ABHD6: variants seen among roughly 807,000 people sequenced by gnomAD.
The protein encoded by ABHD6 is abhydrolase domain containing 6, acylglycerol lipase.
A neutral mutation model predicts 38.8 loss-of-function variants in ABHD6; 33 were observed. The ratio of observed to expected loss-of-function variants is 0.85; its 90% CI spans 0.64 to 1.14. The LOEUF is 1.14. Ranked by LOEUF, ABHD6 falls within the 50% of genes most tolerant of loss-of-function variation. ABHD6 has a pLI of 0.00. For synonymous variants in ABHD6, 147 were observed against 161.6 expected (o/e 0.91, Z 0.69); for missense variants, 380 against 422.6 (o/e 0.90, Z 0.88).
Position 58,269,377 on chromosome 3 carries a change from C to A in ABHD6, c.333C>A (p.Thr111=), listed in dbSNP as rs746872403. 12 of 1,613,802 alleles carry A rather than the reference C, an allele frequency of 7.4e-6. No individual in the cohort carries two copies. The highest frequency in any genetic ancestry group is 5.9e-6 in the Non-Finnish European group (7 of 1,179,906). ...TGGACATGCCAGGACATGAGGGCAC[C>A]ACCCGCTCCTCCCTGGATGACCTGT... ...VCVDMPGHEG[T]TRSSLDDLSI... Residue 111 remains threonine (T), a synonymous_variant, in exon 5 of 10, where the codon ACC becomes ACA. Transcript: ENST00000478253. This position sits in a 1 kb window ranked among gnomAD's most constrained non-coding sequence, Gnocchi z 4.4.
chr3:58,252,229 GTTTTTTTTTTTTT>G lies in ABHD6; in HGVS notation c.-26+2298_-26+2310del, dbSNP rs10671892. Among the ~76,000 whole-genome samples the G allele has an allele frequency of 4.7e-3, 383 of 80,980 alleles. 3 individuals carry two copies. Among genetic ancestry groups the G allele is most frequent in the Admixed American group, 9.6e-3 (55 of 5,702 alleles). The allele number at this position is 80,980 out of a possible 152,430, so 53.1% of individuals were successfully genotyped here. ...GCATTTTTCTTTAAATTGACTGCTT[GTTTTTTTTTTTTT>G]TTTTTTTTTTGGAACAGTCTCCCTC... is the stretch of plus-strand genomic sequence containing the variant. On this transcript the variant is annotated intron_variant, in intron 2 of 9. Transcript: ENST00000478253.
intron 7 of ABHD6, among the ~76,000 whole-genome samples, chr3:58,281,258 G>A (rs768366145): frequency 2.6e-5 from 4 of 152,168 alleles, no homozygotes; most frequent in African/African-American, 4.8e-5. Context: ...TGCCGAGTTC[G>A]AGCTTCCAGG....
intron 2 of ABHD6, among the ~76,000 whole-genome samples, chr3:58,254,532 C>G (rs1400360293): frequency 2.0e-5 from 3 of 152,144 alleles, no homozygotes; most frequent in East Asian, 3.9e-4. Flanking sequence ...CTGCATTGAA[C>G]TTATTATCAA....
chr3:58,266,529 A>G lies in ABHD6; in HGVS notation c.120-660A>G, dbSNP rs897141187. Among the ~76,000 whole-genome samples, 1 of 152,000 alleles carries G rather than the reference A, an allele frequency of 6.6e-6. No individual in the cohort carries two copies. Among genetic ancestry groups the G allele is most frequent in the East Asian group, 1.9e-4 (1 of 5,206 alleles). On this transcript the variant is annotated intron_variant, in intron 3 of 9. Coordinates refer to ENST00000478253, the MANE Select transcript of ABHD6 (RefSeq NM_001320126.2). This position sits in a 1 kb window ranked among gnomAD's most constrained non-coding sequence, Gnocchi z 4.0. ...TGCGGATAAAAGTAAATGAATATAT[A>G]TCTTCTCTCCCTCTCTGCTTATTTT...
intron 9 of ABHD6, among the ~76,000 whole-genome samples, chr3:58,291,949 C>CA (rs1044828750): frequency 2.0e-5 from 3 of 150,334 alleles, no homozygotes; most frequent in African/African-American, 7.5e-5. Context: ...GACCCTGTCT[C>CA]AAAAAAACAA....
At chr3:58,277,165 G>A (rs1243234433) in intron 7 of ABHD6, among the ~76,000 whole-genome samples, 1 of 152,274 alleles carries the variant, frequency 6.6e-6, no homozygotes, top group Admixed American at 6.5e-5. Context: ...GTCATTGGTA[G>A]CTTGATGGGG....
chr3:58,256,076 AACACACACAC>A lies in ABHD6; in HGVS notation c.-25-462_-25-453del, dbSNP rs769155755. ...TATTTCTCTCTCTTTTCCTCCCACCAACACACACACACACACACACACACACACACACATA... is the reference window on the plus strand; with the variant it reads ...TATTTCTCTCTCTTTTCCTCCCACCAACACACACACACACACACACACATA... On this transcript the variant is annotated intron_variant, in intron 2 of 9. Coordinates refer to ENST00000478253, the MANE Select transcript of ABHD6 (RefSeq NM_001320126.2). This position sits in a 1 kb window ranked among gnomAD's most constrained non-coding sequence, Gnocchi z 4.3. Among the ~76,000 whole-genome samples the A allele has an allele frequency of 1.5e-5, 1 of 65,534 alleles. No individual in the cohort carries two copies. The highest frequency in any genetic ancestry group is 2.8e-5 in the Non-Finnish European group (1 of 35,672). 43.0% of individuals were successfully genotyped at this position (65,534 alleles called of 152,430 possible). A position where few individuals can be genotyped will look rare whatever the true frequency, so the allele number is the denominator to read the frequency against.
At chr3:58,281,080 C>G (rs1023359626) in intron 7 of ABHD6, among the ~76,000 whole-genome samples, 10 of 152,258 alleles carry the variant, frequency 6.6e-5, no homozygotes, top group Non-Finnish European at 1.3e-4. Flanking sequence ...GGCAGTCTGT[C>G]TGTCTCAGAG....
At chr3:58,254,795 T>C (rs997910826) in intron 2 of ABHD6, among the ~76,000 whole-genome samples, 9 of 149,948 alleles carry the variant, frequency 6.0e-5, no homozygotes, top group African/African-American at 2.2e-4. Flanking sequence ...ATTTATTATA[T>C]ATTTATATTT....
intron 1 of ABHD6, among the ~76,000 whole-genome samples, chr3:58,242,078 C>G (rs1482673692): frequency 6.6e-6 from 1 of 152,024 alleles, no homozygotes; most frequent in Non-Finnish European, 1.5e-5. Flanking sequence ...GGCTGGAGCT[C>G]GCCAGGCGAG....
chr3:58,294,191 C>T lies in ABHD6; in HGVS notation c.*426C>T, dbSNP rs9815089. On this transcript the variant is annotated 3_prime_UTR_variant, in exon 10 of 10. Coordinates refer to ENST00000478253, the MANE Select transcript of ABHD6 (RefSeq NM_001320126.2). ...CAGTGGCTTTTATAGGAGCATTAGT[C>T]CTCATTCGCTGAACCCTGTTGTTTA... 4,832 of 156,544 alleles carry T rather than the reference C, an allele frequency of 0.031. 260 individuals carry two copies. The highest frequency in any genetic ancestry group is 0.11 in the African/African-American group (4,581 of 41,584). 9.7% of individuals were successfully genotyped at this position (156,544 alleles called of 1,614,324 possible).
chr3:58,290,690 C>T (rs2107482706), intron 9 of ABHD6, among the ~76,000 whole-genome samples: 1 of 150,998 alleles, frequency 6.6e-6, no homozygotes, highest in African/African-American at 2.4e-5. Flanking sequence ...ACGCTTCTCA[C>T]CTCCCAGACG....
In ABHD6 at chr3:58,256,619, T is replaced by C; in HGVS notation, c.33T>C (p.Ile11=). 1 of 1,614,166 alleles carries C rather than the reference T, an allele frequency of 6.2e-7. No individual in the cohort carries two copies. The highest frequency in any genetic ancestry group is 8.5e-7 in the Non-Finnish European group (1 of 1,180,030). The change falls in exon 3 of 10, where the codon ATT becomes ATC. Residue 11 remains isoleucine, a synonymous_variant. Coordinates refer to ENST00000478253, the MANE Select transcript of ABHD6 (RefSeq NM_001320126.2). The surrounding 1 kb of genome is among the most constrained non-coding windows in gnomAD (Gnocchi z 4.3). ...TTGATGTGGTTAACATGTTTGTGAT[T>C]GCGGGCGGCACGCTGGCCATCCCAA... MDLDVVNMFV[I]AGGTLAIPIL...
intron 1 of ABHD6, among the ~76,000 whole-genome samples, chr3:58,243,628 C>G (rs1234907774): frequency 6.6e-6 from 1 of 151,658 alleles, no homozygotes; most frequent in Non-Finnish European, 1.5e-5. Context: ...GTATCTGATT[C>G]TCCGCAGTTT....
At position 58,284,762 on chromosome 3, in the gene ABHD6, T is replaced by C. The variant is rs985196616; in HGVS notation, c.682-323T>C. Among the ~76,000 whole-genome samples the C allele has an allele frequency of 3.3e-5, 5 of 152,294 alleles. No homozygotes were observed. In the East Asian group the frequency reaches 9.6e-4, roughly 29 times the overall value. On this transcript the variant is annotated intron_variant, in intron 7 of 9. Transcript: ENST00000478253. The stretch of plus-strand genomic sequence containing the variant: ...CACCATGCCCGGCCCATCCTGATTA[T>C]GTCTTAAGTGAAGCAGAGAATCTCT...
Position 58,238,827 on chromosome 3 carries a change from G to A in ABHD6, c.-91+911G>A, listed in dbSNP as rs1295739288. Among the ~76,000 whole-genome samples the A allele has an allele frequency of 1.3e-5, 2 of 152,004 alleles. No individual in the cohort carries two copies. The highest frequency in any genetic ancestry group is 2.1e-4 in the South Asian group (1 of 4,816). On this transcript the variant is annotated intron_variant, in intron 1 of 9. Transcript: ENST00000478253. This position sits in a 1 kb window ranked among gnomAD's most constrained non-coding sequence, Gnocchi z 6.9. ...CCTGGAGGCCCTCATTTATCTCGCC[G>A]CCCCCCTCCCCGCTGCTCCCGCCTG...
At chr3:58,240,167 TA>T (rs746535097) in intron 1 of ABHD6, among the ~76,000 whole-genome samples, 7 of 151,744 alleles carry the variant, frequency 4.6e-5, no homozygotes, top group Non-Finnish European at 1.0e-4. Context: ...ATAAAATAAA[TA>T]AATAAAGAAT....
chr3:58,286,885 A>ATATATATAT (rs1553721771), intron 9 of ABHD6, among the ~76,000 whole-genome samples: 1 of 44,898 alleles, frequency 2.2e-5, no homozygotes, highest in Non-Finnish European at 4.4e-5. Context: ...TGTATATATA[A>ATATATATAT]GTAGGTATCT....
intron 6 of ABHD6, 129 bp from the exon 7 acceptor site, chr3:58,274,529 A>G: frequency 1.0e-6 from 1 of 1,004,976 alleles, no homozygotes; most frequent in South Asian, 1.8e-5. Context: ...TACCAACAAA[A>G]AAGAAATCTA....
Sources: gnomAD v4.1 joint callset for allele counts (sites outside exome capture counted in the v4.1 genomes callset) on GRCh38, gnomAD v4.1.1 for gene constraint, Gnocchi (gnomAD v3.1) non-coding constraint, MANE v1.5 for transcripts, NCBI Gene and HGNC (gene_info 2026-07-23, HGNC 2026-07-21) for gene names.